The following IPCEF1 variants were observed in gnomAD, a reference collection of about 807,000 sequenced individuals.
IPCEF1 encodes interaction protein for cytohesin exchange factors 1.
In IPCEF1, 31 loss-of-function variants were observed where a neutral mutation model predicts 50.9. That is an observed-to-expected ratio of 0.61 (90% CI 0.46 to 0.82). IPCEF1 has a LOEUF of 0.82. IPCEF1 is among the 40% of genes least tolerant of loss of function. IPCEF1 has a pLI of 0.00. For synonymous variants in IPCEF1, 181 were observed against 192.0 expected, an observed-to-expected ratio of 0.94 and a Z score of 0.47; for missense variants, 458 against 514.0, an observed-to-expected ratio of 0.89 and a Z score of 1.05.
chr6:154,237,178 A>C (rs186758161), intron 5 of IPCEF1, among the ~76,000 whole-genome samples: 1 of 152,178 alleles, frequency 6.6e-6, no homozygotes, highest in Non-Finnish European at 1.5e-5. Context: ...TTCTCAGGAA[A>C]ATCCTCAAAC....
At chr6:154,215,243 A>G (rs1023095466) in intron 7 of IPCEF1, among the ~76,000 whole-genome samples, 3 of 152,186 alleles carry the variant, frequency 2.0e-5, no homozygotes, top group Non-Finnish European at 2.9e-5. Flanking sequence ...CTGTCAGATA[A>G]TTAGGAATCC....
At chr6:154,301,853 A>G (rs1012674332) in intron 1 of IPCEF1, among the ~76,000 whole-genome samples, 57 of 152,214 alleles carry the variant, frequency 3.7e-4, no homozygotes, top group African/African-American at 1.3e-3. Flanking sequence ...ATACTCTCAA[A>G]AGGTTAAAAA....
intron 2 of IPCEF1, among the ~76,000 whole-genome samples, chr6:154,271,360 G>GA (rs937058154): frequency 3.7e-4 from 55 of 147,378 alleles, no homozygotes; most frequent in Admixed American, 1.8e-3. Context: ...GTCTCTTAAA[G>GA]AAAAAAAAAA....
intron 10 of IPCEF1, among the ~76,000 whole-genome samples, chr6:154,172,204 A>G (rs1362651781): frequency 6.6e-6 from 1 of 152,242 alleles, no homozygotes; most frequent in Non-Finnish European, 1.5e-5. Context: ...GCTCCAGTCT[A>G]CAACTCCCAG....
intron 1 of IPCEF1, among the ~76,000 whole-genome samples, chr6:154,326,106 G>T (rs1201306051): frequency 6.6e-6 from 1 of 151,754 alleles, no homozygotes; most frequent in African/African-American, 2.4e-5. Context: ...TGTGCCTGTG[G>T]TCCCAGCTAC....
intron 1 of IPCEF1, among the ~76,000 whole-genome samples, chr6:154,316,994 A>T (rs1766267713): frequency 6.6e-6 from 1 of 152,210 alleles, no homozygotes; most frequent in African/African-American, 2.4e-5. Flanking sequence ...TAAACTTGAC[A>T]GCTGAAACTA....
At chr6:154,354,084 C>T (rs1176908262) in intron 1 of IPCEF1, among the ~76,000 whole-genome samples, 1 of 152,176 alleles carries the variant, frequency 6.6e-6, no homozygotes, top group Non-Finnish European at 1.5e-5. Context: ...TTAATGCAAT[C>T]ATATTTTTAA....
chr6:154,329,382 G>A (rs1179970149), intron 1 of IPCEF1, among the ~76,000 whole-genome samples: 1 of 152,096 alleles, frequency 6.6e-6, no homozygotes, highest in Non-Finnish European at 1.5e-5. Flanking sequence ...GATCACTTGA[G>A]CTCAGGAGTT....
intron 1 of IPCEF1, among the ~76,000 whole-genome samples, chr6:154,343,610 C>T (rs1016038190): frequency 4.6e-5 from 7 of 152,166 alleles, no homozygotes; most frequent in African/African-American, 7.2e-5. Context: ...TTCTTTCCTC[C>T]GCCAATCTGA....
At chr6:154,206,224 T>C (rs1033603355) in intron 9 of IPCEF1, among the ~76,000 whole-genome samples, 2 of 152,236 alleles carry the variant, frequency 1.3e-5, no homozygotes, top group African/African-American at 4.8e-5. Flanking sequence ...TTCCGATAGC[T>C]ATGTGTATTT....
intron 11 of IPCEF1, among the ~76,000 whole-genome samples, chr6:154,166,906 TAA>T (rs1382655254): frequency 1.3e-5 from 2 of 152,222 alleles, no homozygotes; most frequent in Non-Finnish European, 2.9e-5. Context: ...TAATATTAAA[TAA>T]GAGTGAATTT....
intron 1 of IPCEF1, among the ~76,000 whole-genome samples, chr6:154,310,846 G>C (rs1312884078): frequency 6.6e-6 from 1 of 152,154 alleles, no homozygotes; most frequent in Non-Finnish European, 1.5e-5. Context: ...TAGGGGCTGG[G>C]GATGGTTGGG....
At chr6:154,269,918 G>T (rs1364527147) in intron 2 of IPCEF1, among the ~76,000 whole-genome samples, 1 of 152,134 alleles carries the variant, frequency 6.6e-6, no homozygotes, top group Non-Finnish European at 1.5e-5. Context: ...AAGCTAAATA[G>T]GTAGCTCCAA....
rs1294535176 is a variant in IPCEF1 at position 154,178,299 on chromosome 6, AT to A, written c.911-10187del. Among the ~76,000 whole-genome samples, 3 of 152,324 alleles carry A rather than the reference AT, an allele frequency of 2.0e-5. No individual in the cohort carries two copies. The South Asian group carries it at 6.2e-4, about 32-fold the overall frequency. On this transcript the variant is annotated intron_variant, in intron 10 of 11. Coordinates refer to ENST00000367220, the MANE Select transcript of IPCEF1 (RefSeq NM_001130700.2). Reference sequence around the variant, plus strand: ...AACTTAAAGTATAATAATAAAAAAAATTATATTAAAATTACATATCTGATTC... The same window carrying A: ...AACTTAAAGTATAATAATAAAAAAAATATATTAAAATTACATATCTGATTC...
intron 3 of IPCEF1, 51 bp from the exon 4 acceptor site, chr6:154,247,539 C>T (rs1781158748): frequency 1.3e-6 from 2 of 1,542,890 alleles, no homozygotes; most frequent in Admixed American, 1.7e-5. Flanking sequence ...TGTGTTGTAA[C>T]ATTTGTAAAG....
chr6:154,252,837 A>C (rs1316569987), intron 3 of IPCEF1, among the ~76,000 whole-genome samples: 2 of 152,206 alleles, frequency 1.3e-5, no homozygotes, highest in Non-Finnish European at 2.9e-5. Flanking sequence ...CTCCTTCAAG[A>C]ATCTTCACTG....
intron 1 of IPCEF1, among the ~76,000 whole-genome samples, chr6:154,324,500 A>G (rs1783471106): frequency 6.6e-6 from 1 of 152,098 alleles, no homozygotes; most frequent in South Asian, 2.1e-4. Context: ...TTTGGATCTG[A>G]GAAGGCTTTT....
At chr6:154,193,745 G>A (rs1802139935) in intron 10 of IPCEF1, among the ~76,000 whole-genome samples, 1 of 152,210 alleles carries the variant, frequency 6.6e-6, no homozygotes, top group African/African-American at 2.4e-5. Flanking sequence ...CTGCCAGACA[G>A]ACAAGGAGGA....
chr6:154,306,754 T>C (rs1356567031), intron 1 of IPCEF1: 10 of 152,290 alleles, frequency 6.6e-5, no homozygotes, highest in South Asian at 2.1e-4. Context: ...ATGAGCCCAG[T>C]TGATGACTCT....
Sources: allele counts gnomAD v4.1 joint callset (sites outside exome capture counted in the v4.1 genomes callset), GRCh38; gene constraint gnomAD v4.1.1; transcripts MANE v1.5; gene names NCBI Gene and HGNC (gene_info 2026-07-23, HGNC 2026-07-21).